The following SAP30BP variants were observed in gnomAD, a reference collection of about 807,000 sequenced individuals.
SAP30BP encodes the protein SAP30 binding protein.
A neutral mutation model predicts 46.3 loss-of-function variants in SAP30BP; 31 were observed. The ratio of observed to expected loss-of-function variants is 0.67; its 90% CI spans 0.50 to 0.90. The LOEUF is 0.90. Ranked by LOEUF, SAP30BP falls within the 40% of genes least tolerant of loss-of-function variation. The probability of loss-of-function intolerance (pLI) is 0.00; values close to 1 mark genes in which losing one functional copy is unlikely to be tolerated. For missense variants in SAP30BP, 312 were observed against 391.0 expected, an observed-to-expected ratio of 0.80 and a Z score of 1.70; for synonymous variants, 169 against 144.2, an observed-to-expected ratio of 1.17 and a Z score of -1.23.
Position 75,680,864 on chromosome 17 carries a change from T to C in SAP30BP, c.264+9001T>C, listed in dbSNP as rs181513468. On this transcript the variant is annotated intron_variant, in intron 3 of 10. Coordinates refer to ENST00000584667, the MANE Select transcript of SAP30BP (RefSeq NM_013260.8). ...AGCCTGGGCAACATGGTGAAACCCG[T>C]CTCTACAGAAACTACAAAAGTTAGC... is the stretch of plus-strand genomic sequence containing the variant. Among the ~76,000 whole-genome samples the C allele has an allele frequency of 1.1e-4, 16 of 152,200 alleles. No individual in the cohort carries two copies. In the East Asian group the frequency reaches 3.1e-3, roughly 29 times the overall value.
In SAP30BP at chr17:75,706,566, G is replaced by A; in HGVS notation, c.*45G>A. Reference sequence around the variant, plus strand: ...ACTTGAAAGGACCGTGCAGCCCAGTGACCACTGCCCAGTGGGAGGCGCCAC... The same window carrying A: ...ACTTGAAAGGACCGTGCAGCCCAGTAACCACTGCCCAGTGGGAGGCGCCAC... On this transcript the variant is annotated 3_prime_UTR_variant, in exon 11 of 11. Transcript: ENST00000584667. This position sits in a 1 kb window ranked among gnomAD's most constrained non-coding sequence, Gnocchi z 4.6. 1 of 1,575,534 alleles carries A rather than the reference G, an allele frequency of 6.3e-7. No individual in the cohort carries two copies. Among genetic ancestry groups the A allele is most frequent in the Non-Finnish European group, 8.7e-7 (1 of 1,148,412 alleles).
At chr17:75,680,179 G>A (rs571424731) in intron 3 of SAP30BP, among the ~76,000 whole-genome samples, 8 of 152,174 alleles carry the variant, frequency 5.3e-5, no homozygotes, top group Admixed American at 2.6e-4. Context: ...TAGATCTCAC[G>A]CTCTGATCTA....
intron 3 of SAP30BP, among the ~76,000 whole-genome samples, chr17:75,687,917 G>GGGCTGT: frequency 8.3e-6 from 1 of 120,366 alleles, no homozygotes; most frequent in South Asian, 2.8e-4. Context: ...CAGTGTTTGG[G>GGGCTGT]GTGTGTGTGT....
intron 3 of SAP30BP, among the ~76,000 whole-genome samples, chr17:75,687,691 G>T (rs1542099): frequency 6.6e-6 from 1 of 151,482 alleles, no homozygotes; most frequent in Non-Finnish European, 1.5e-5. Context: ...GTAATTCAGC[G>T]TTGGTGTCCC....
intron 3 of SAP30BP, chr17:75,693,171 TCTC>T (rs1420736317): frequency 9.3e-6 from 4 of 428,912 alleles, no homozygotes; most frequent in South Asian, 2.9e-5. Context: ...TGGCTTGTGT[TCTC>T]CTCAGCGATG....
At chr17:75,674,599 A>C (rs183820953) in intron 3 of SAP30BP, among the ~76,000 whole-genome samples, 1 of 150,238 alleles carries the variant, frequency 6.7e-6, no homozygotes, top group Non-Finnish European at 1.5e-5. Flanking sequence ...CCCAGCCCAC[A>C]TTTTTTTAAA....
chr17:75,690,331 G>C (rs563783288), intron 3 of SAP30BP, among the ~76,000 whole-genome samples: 1 of 152,262 alleles, frequency 6.6e-6, no homozygotes, highest in South Asian at 2.1e-4. Flanking sequence ...TGTTTGAATA[G>C]AGGTCACTTT....
chr17:75,688,099 G>C (rs2060188974), intron 3 of SAP30BP, among the ~76,000 whole-genome samples: 1 of 152,158 alleles, frequency 6.6e-6, no homozygotes, highest in Non-Finnish European at 1.5e-5. Context: ...AGGCTTCCCT[G>C]GGCTGGGCTG....
chr17:75,693,546 C>A, intron 4 of SAP30BP, 64 bp downstream of exon 4: 1 of 1,474,498 alleles, frequency 6.8e-7, no homozygotes, highest in Non-Finnish European at 9.4e-7. Flanking sequence ...TGGCTTCCAG[C>A]CATGCCAGGC....
At chr17:75,676,791 T>C (rs1045557895) in intron 3 of SAP30BP, among the ~76,000 whole-genome samples, 2 of 152,236 alleles carry the variant, frequency 1.3e-5, no homozygotes, top group African/African-American at 4.8e-5. Flanking sequence ...TATATAATTC[T>C]AATTGTTGTT....
At chr17:75,697,915 G>A (rs2060346883) in intron 4 of SAP30BP, among the ~76,000 whole-genome samples, 1 of 152,162 alleles carries the variant, frequency 6.6e-6, no homozygotes, top group Non-Finnish European at 1.5e-5. Context: ...AAGCCAGCCG[G>A]GCAGCTCAGC....
intron 3 of SAP30BP, among the ~76,000 whole-genome samples, chr17:75,686,562 T>G (rs117928103): frequency 0.012 from 1,873 of 151,546 alleles, 32 homozygotes; most frequent in Non-Finnish European, 0.014. Flanking sequence ...CCTTCTGTGG[T>G]TGGGAGCAGA....
intron 3 of SAP30BP, among the ~76,000 whole-genome samples, chr17:75,672,401 A>G (rs2059920600): frequency 6.6e-6 from 1 of 152,174 alleles, no homozygotes; most frequent in Non-Finnish European, 1.5e-5. Flanking sequence ...TTTCGGAACA[A>G]CATAACTATT....
chr17:75,685,141 A>G (rs820226), intron 3 of SAP30BP, among the ~76,000 whole-genome samples: 149,681 of 152,282 alleles, frequency 0.98, 73,622 homozygotes, highest in East Asian at 1. Flanking sequence ...ACACCCTCCC[A>G]TCAGCCGTGC....
chr17:75,693,583 C>T (rs2060271286), intron 4 of SAP30BP, 101 bp downstream of exon 4: 4 of 1,043,766 alleles, frequency 3.8e-6, no homozygotes, highest in Non-Finnish European at 2.9e-6. Context: ...CTTCTGTCTG[C>T]TGTGAGCACT....
intron 2 of SAP30BP, among the ~76,000 whole-genome samples, 186 bp downstream of exon 2, chr17:75,668,811 C>T (rs2305530): frequency 0.038 from 5,850 of 152,254 alleles, 156 homozygotes; most frequent in Admixed American, 0.06. Flanking sequence ...TCACATGGAT[C>T]ATTTTTTATT....
In SAP30BP at chr17:75,706,108, G is replaced by T. The variant is rs756585484; in HGVS notation, c.745+16G>T. The T allele has an allele frequency of 6.2e-7, 1 of 1,605,756 alleles. No homozygotes were observed. Among genetic ancestry groups the T allele is most frequent in the South Asian group, 1.1e-5 (1 of 90,344 alleles). ...GCTGTTGCAGGTAGATTGCAGAGCT[G>T]CCCTGCCTCCTGCCACACACATGGA... On this transcript the variant is annotated intron_variant, in intron 10 of 10. Coordinates refer to ENST00000584667, the MANE Select transcript of SAP30BP (RefSeq NM_013260.8). The surrounding 1 kb of genome is among the most constrained non-coding windows in gnomAD (Gnocchi z 4.6).
chr17:75,667,537 C>T (rs757055137), intron 1 of SAP30BP, 59 bp downstream of exon 1: 2 of 1,495,028 alleles, frequency 1.3e-6, no homozygotes, highest in Non-Finnish European at 9.3e-7. Context: ...AATGCTGTAC[C>T]CTCGCTGGGC....
chr17:75,687,864 T>TGAA (rs1218258441), intron 3 of SAP30BP, among the ~76,000 whole-genome samples: 1 of 151,758 alleles, frequency 6.6e-6, no homozygotes, highest in African/African-American at 2.4e-5. Context: ...ACATAACAGC[T>TGAA]GAAGGTAGGT....
Sources: gnomAD v4.1 joint callset for allele counts (sites outside exome capture counted in the v4.1 genomes callset) on GRCh38, gnomAD v4.1.1 for gene constraint, Gnocchi (gnomAD v3.1) non-coding constraint, MANE v1.5 for transcripts, NCBI Gene and HGNC (gene_info 2026-07-23, HGNC 2026-07-21) for gene names.